The following ZNF777 variants were observed in gnomAD, a reference collection of about 807,000 sequenced individuals.
ZNF777 encodes zinc finger protein 777.
Under a neutral mutation model 72.1 loss-of-function variants are expected in ZNF777, and 7 were observed. The observed-to-expected ratio is 0.10, with a 90% confidence interval of 0.06 to 0.18. The LOEUF is 0.18. Among genes scored for constraint, ZNF777 ranks in the 10% least tolerant of loss-of-function variants. ZNF777 has a pLI of 1.00. For missense variants in ZNF777, 828 were observed against 1,128.6 expected (o/e 0.73, Z 3.82); for synonymous variants, 545 against 483.5 (o/e 1.13, Z -1.67).
intron 4 of ZNF777, among the ~76,000 whole-genome samples, chr7:149,446,230 G>C (rs1799600110): frequency 6.6e-6 from 1 of 152,082 alleles, no homozygotes; most frequent in South Asian, 2.1e-4. Flanking sequence ...TACAAAATTA[G>C]CCAGGTGTGG....
chr7:149,443,448 T>A (rs1313265665), intron 4 of ZNF777, among the ~76,000 whole-genome samples: 1 of 152,218 alleles, frequency 6.6e-6, no homozygotes, highest in Non-Finnish European at 1.5e-5. Context: ...TACTTTTTCT[T>A]TGTGAAATTA....
chr7:149,452,793 A>G (rs919046043), intron 3 of ZNF777, among the ~76,000 whole-genome samples: 1 of 152,204 alleles, frequency 6.6e-6, no homozygotes, highest in African/African-American at 2.4e-5. Flanking sequence ...AGCCTTCTGG[A>G]GGGCACCAGG....
In ZNF777 at chr7:149,460,642, C is replaced by T. The variant is rs901117528; in HGVS notation, c.-16+173G>A. Among the ~76,000 whole-genome samples the T allele has an allele frequency of 7.9e-5, 12 of 152,106 alleles. No individual in the cohort carries two copies. Among genetic ancestry groups the T allele is most frequent in the Non-Finnish European group, 1.3e-4 (9 of 67,984 alleles). ...CCGTTTAAAGAGAAACACTCCGAGG[C>T]TCGTCGGAGGCTGCCGGAACCCAGA... On this transcript the variant is annotated intron_variant, in intron 1 of 5. Transcript: ENST00000247930. This position sits in a 1 kb window ranked among gnomAD's most constrained non-coding sequence, Gnocchi z 6.1.
intron 4 of ZNF777, among the ~76,000 whole-genome samples, chr7:149,440,677 T>G (rs950903130): frequency 3.3e-4 from 45 of 137,610 alleles, no homozygotes; most frequent in African/African-American, 2.6e-4. Context: ...TTTTTTGTTT[T>G]TTTTTTTTTT....
In ZNF777 at chr7:149,449,371, C is replaced by T. The variant is rs564847589; in HGVS notation, c.1087+1628G>A. ...TGTCAGAACAAACCCAGCCCAGGAC[C>T]GAATGGATTTGGGTTATTTGCTTTT... On this transcript the variant is annotated intron_variant, in intron 4 of 5. Coordinates refer to ENST00000247930, the MANE Select transcript of ZNF777 (RefSeq NM_015694.3). Among the ~76,000 whole-genome samples the T allele has an allele frequency of 3.3e-5, 5 of 152,254 alleles. No individual in the cohort carries two copies. The South Asian group carries it at 1.0e-3, about 32-fold the overall frequency.
intron 1 of ZNF777, chr7:149,459,871 G>A (rs2116614925): frequency 1.0e-6 from 1 of 983,680 alleles, no homozygotes; most frequent in South Asian, 4.7e-5. Context: ...GCCCCACCTC[G>A]GGGCCGCGTG....
rs564908469 is a variant in ZNF777, at chr7:149,434,825, C to T, written c.1339+1750G>A. 3.9e-5 allele frequency among the ~76,000 whole-genome samples: 6 copies of T among 152,246 alleles called. No homozygotes were observed. The East Asian group carries it at 9.7e-4, about 25-fold the overall frequency. The stretch of plus-strand genomic sequence containing the variant: ...CTCGAACTCCTAACCTCAAGTGATC[C>T]GATCCGCCTGCCCCAGCTTCCCAAA... On this transcript the variant is annotated intron_variant, in intron 5 of 5. Coordinates refer to ENST00000247930, the MANE Select transcript of ZNF777 (RefSeq NM_015694.3).
chr7:149,433,104 A>G (rs1243539716), intron 5 of ZNF777, among the ~76,000 whole-genome samples, 172 bp from the exon 6 acceptor site: 2 of 152,186 alleles, frequency 1.3e-5, no homozygotes, highest in African/African-American at 4.8e-5. Context: ...CCCCTCCCCC[A>G]ACGGGGTAGA....
chr7:149,460,015 G>A lies in ZNF777; in HGVS notation c.-16+800C>T, dbSNP rs1263406218. ...CCACCCCCCGCGCCAACGTCGTAGC[G>A]TTTCTGCCCCTTACCGAGATCCCAG... On this transcript the variant is annotated intron_variant, in intron 1 of 5. Transcript: ENST00000247930. The surrounding 1 kb of genome is among the most constrained non-coding windows in gnomAD (Gnocchi z 6.1). 1.0e-6 allele frequency: 1 copy of A among 977,390 alleles called. No homozygotes were observed. Among genetic ancestry groups the A allele is most frequent in the Non-Finnish European group, 1.2e-6 (1 of 824,210 alleles). The allele number at this position is 977,390 out of a possible 1,614,324, so 60.5% of individuals were successfully genotyped here. A position where few individuals can be genotyped will look rare whatever the true frequency, so the allele number is the denominator to read the frequency against.
intron 5 of ZNF777, among the ~76,000 whole-genome samples, chr7:149,433,849 C>A (rs1431956960): frequency 6.6e-6 from 1 of 152,204 alleles, no homozygotes; most frequent in Non-Finnish European, 1.5e-5. Context: ...GCTCCCGACT[C>A]CTGTTTGAGT....
At position 149,432,316 on chromosome 7, in the gene ZNF777, G is replaced by C. The variant is rs372415890; in HGVS notation, c.1956C>G (p.Thr652=). The C allele has an allele frequency of 1.2e-6, 2 of 1,610,216 alleles. No individual in the cohort carries two copies. Among genetic ancestry groups the C allele is most frequent in the Non-Finnish European group, 1.7e-6 (2 of 1,179,058 alleles). The change falls in exon 6 of 6, where the codon ACC becomes ACG. Residue 652 remains threonine (T), a synonymous_variant. Transcript: ENST00000247930. ...CACCCGTGTGCGTGATCTGGTGTTT[G>C]GTCAGGCTGGACTTGTGGCTGAAGC... ...DSSFSHKSSL[T]KHQITHTGER...
rs1313294188 is a variant in ZNF777, at chr7:149,460,493, C to T, written c.-16+322G>A. Among the ~76,000 whole-genome samples the T allele has an allele frequency of 1.3e-5, 2 of 149,960 alleles. No homozygotes were observed. Among genetic ancestry groups the T allele is most frequent in the East Asian group, 3.9e-4 (2 of 5,142 alleles). On this transcript the variant is annotated intron_variant, in intron 1 of 5. Coordinates refer to ENST00000247930, the MANE Select transcript of ZNF777 (RefSeq NM_015694.3). The surrounding 1 kb of genome is among the most constrained non-coding windows in gnomAD (Gnocchi z 6.1). ...CCCCTCTGCGGCCGCGGCTGGGACC[C>T]CAGCTCCGGCCCCGGCCCCGGCTGC...
At chr7:149,447,978 T>A (rs1413557790) in intron 4 of ZNF777, among the ~76,000 whole-genome samples, 2 of 152,184 alleles carry the variant, frequency 1.3e-5, no homozygotes, top group African/African-American at 4.8e-5. Flanking sequence ...AGAGATCTGA[T>A]GAACTAAATA....
chr7:149,432,959 C>T (rs905396359), intron 5 of ZNF777, 27 bp from the exon 6 acceptor site: 37 of 1,452,280 alleles, frequency 2.5e-5, no homozygotes, highest in Non-Finnish European at 1.0e-5. Context: ...GAGAGAAAGT[C>T]GTTAGCTGCT....
rs1799915969 is a variant in ZNF777, at chr7:149,460,024, C to T, written c.-16+791G>A. The stretch of plus-strand genomic sequence containing the variant: ...GCGCCAACGTCGTAGCGTTTCTGCC[C>T]CTTACCGAGATCCCAGGCCGGGCCG... On this transcript the variant is annotated intron_variant, in intron 1 of 5. Transcript: ENST00000247930. This position sits in a 1 kb window ranked among gnomAD's most constrained non-coding sequence, Gnocchi z 6.1. 6 of 980,776 alleles carry T rather than the reference C, an allele frequency of 6.1e-6. No homozygotes were observed. The highest frequency in any genetic ancestry group is 7.3e-6 in the Non-Finnish European group (6 of 826,954). The allele number at this position is 980,776 out of a possible 1,614,324, so 60.8% of individuals were successfully genotyped here.
At chr7:149,447,209 G>A (rs760862920) in intron 4 of ZNF777, among the ~76,000 whole-genome samples, 1 of 152,178 alleles carries the variant, frequency 6.6e-6, no homozygotes, top group Non-Finnish European at 1.5e-5. Context: ...GGGTTCTGCA[G>A]GGCATGGCTT....
At chr7:149,441,959 A>C (rs999615102) in intron 4 of ZNF777, among the ~76,000 whole-genome samples, 2 of 151,968 alleles carry the variant, frequency 1.3e-5, no homozygotes, top group Non-Finnish European at 2.9e-5. Context: ...TACGAAACCC[A>C]GATTGGGAGG....
intron 4 of ZNF777, among the ~76,000 whole-genome samples, chr7:149,440,965 G>C (rs113560511): frequency 0.037 from 5,606 of 152,152 alleles, 253 homozygotes; most frequent in African/African-American, 0.099. Context: ...CTCTCAGCTG[G>C]ACGTAGCTGT....
chr7:149,441,962 TTGGGAGGC>T (rs1563235618), intron 4 of ZNF777, among the ~76,000 whole-genome samples: 1 of 151,382 alleles, frequency 6.6e-6, no homozygotes, highest in Admixed American at 6.6e-5. Context: ...GAAACCCAGA[TTGGGAGGC>T]TGAGGCGGGT....
Sources: gnomAD v4.1 joint callset for allele counts (sites outside exome capture counted in the v4.1 genomes callset) on GRCh38, gnomAD v4.1.1 for gene constraint, Gnocchi (gnomAD v3.1) non-coding constraint, MANE v1.5 for transcripts, NCBI Gene and HGNC (gene_info 2026-07-23, HGNC 2026-07-21) for gene names.